The following RC3H2 variants were observed in gnomAD, a reference collection of about 807,000 sequenced individuals.
RC3H2 encodes the protein ring finger and CCCH-type domains 2.
Under a neutral mutation model 133.3 loss-of-function variants are expected in RC3H2, and 31 were observed. The ratio of observed to expected loss-of-function variants is 0.23; its 90% CI spans 0.17 to 0.31. The LOEUF (loss-of-function observed/expected upper bound fraction) is 0.31. RC3H2 is among the 10% of genes least tolerant of loss of function. RC3H2 has a pLI of 1.00. For missense variants in RC3H2, 1,175 were observed against 1,437.2 expected (o/e 0.82, Z 2.95); for synonymous variants, 517 against 502.2 (o/e 1.03, Z -0.40).
At chr9:122,881,043 A>C (rs1831598531) in intron 5 of RC3H2, among the ~76,000 whole-genome samples, 2 of 152,234 alleles carry the variant, frequency 1.3e-5, no homozygotes, top group African/African-American at 2.4e-5. Flanking sequence ...TTGTAAGTAG[A>C]AAATTATAGT....
intron 9 of RC3H2, among the ~76,000 whole-genome samples, chr9:122,866,413 T>G (rs1830666926): frequency 1.5e-5 from 1 of 65,596 alleles, no homozygotes; most frequent in African/African-American, 5.6e-5. Flanking sequence ...CTCCCCACGG[T>G]CTCCCTCTCC....
intron 13 of RC3H2, among the ~76,000 whole-genome samples, chr9:122,857,230 AT>A (rs1363966844): frequency 6.6e-6 from 1 of 152,246 alleles, no homozygotes; most frequent in African/African-American, 2.4e-5. Flanking sequence ...AAAAATTTTA[AT>A]ATCAGAACTT....
At chr9:122,888,246 A>G (rs942883733) in intron 4 of RC3H2, among the ~76,000 whole-genome samples, 2 of 152,248 alleles carry the variant, frequency 1.3e-5, no homozygotes, top group African/African-American at 4.8e-5. Flanking sequence ...ACTGTGTTCT[A>G]AAGTAACCTG....
intron 18 of RC3H2, among the ~76,000 whole-genome samples, chr9:122,851,893 G>C (rs1272839529): frequency 6.6e-6 from 1 of 152,246 alleles, no homozygotes; most frequent in African/African-American, 2.4e-5. Flanking sequence ...AAAAAGCCGA[G>C]ATTGCAGCCT....
intron 3 of RC3H2, among the ~76,000 whole-genome samples, chr9:122,890,861 C>T (rs750377192): frequency 1.7e-4 from 26 of 152,050 alleles, no homozygotes; most frequent in Admixed American, 1.4e-3. Flanking sequence ...GAATATTGCT[C>T]CAGCAATTCT....
intron 1 of RC3H2, among the ~76,000 whole-genome samples, chr9:122,903,844 AAG>A (rs1832744661): frequency 6.6e-6 from 1 of 152,258 alleles, no homozygotes. Context: ...TAAACAACGT[AAG>A]AAAGGCATGT....
At position 122,881,009 on chromosome 9, in the gene RC3H2, C is replaced by CTT. The variant is rs1210141854; in HGVS notation, c.760-216_760-215insAA. On this transcript the variant is annotated intron_variant, in intron 5 of 20. Coordinates refer to ENST00000357244, the MANE Select transcript of RC3H2 (RefSeq NM_001100588.3). ...ACATAATCCTTGCCTTCAATGATTT[C>CTT]AGCCACTAGTAAGAAAGAGAAACTT... Among the ~76,000 whole-genome samples the CTT allele has an allele frequency of 7.2e-5, 11 of 152,268 alleles. No individual in the cohort carries two copies. The South Asian group carries it at 2.1e-3, about 29-fold the overall frequency.
intron 9 of RC3H2, among the ~76,000 whole-genome samples, chr9:122,866,347 G>A (rs1442799784): frequency 2.7e-5 from 4 of 145,592 alleles, no homozygotes; most frequent in Non-Finnish European, 4.5e-5. Context: ...TTCCATTTAA[G>A]AAAATGTCTC....
At chr9:122,903,274 G>C (rs1832726005) in intron 1 of RC3H2, among the ~76,000 whole-genome samples, 1 of 152,142 alleles carries the variant, frequency 6.6e-6, no homozygotes, top group Admixed American at 6.5e-5. Flanking sequence ...TTTTACCCAT[G>C]CTTCCTTTTT....
chr9:122,897,689 T>C, intron 1 of RC3H2, 113 bp from the exon 2 acceptor site: 1 of 717,428 alleles, frequency 1.4e-6, no homozygotes, highest in East Asian at 2.8e-5. Flanking sequence ...TAAATAATTT[T>C]ATAACCTTTG....
chr9:122,855,921 A>C (rs1830228590), intron 13 of RC3H2, 43 bp from the exon 14 acceptor site: 1 of 1,525,792 alleles, frequency 6.6e-7, no homozygotes, highest in Non-Finnish European at 8.9e-7. Flanking sequence ...TAAGAAGCTT[A>C]AATTTACAAG....
chr9:122,868,837 ATATGTGTGTGTGTGTGTGTGTGTG>A (rs1447899460), intron 9 of RC3H2, among the ~76,000 whole-genome samples: 10 of 122,874 alleles, frequency 8.1e-5, no homozygotes, highest in African/African-American at 2.3e-4. Flanking sequence ...ATTCCCTCCT[ATATGTGTGTGTGTGTGTGTGTGTG>A]TGTGTGTGTG....
chr9:122,857,416 G>A (rs745400993), intron 13 of RC3H2, among the ~76,000 whole-genome samples: 4 of 152,094 alleles, frequency 2.6e-5, no homozygotes, highest in African/African-American at 4.8e-5. Context: ...AATACTGTAG[G>A]TATTTCTGCA....
intron 1 of RC3H2, among the ~76,000 whole-genome samples, chr9:122,901,334 T>A (rs1299907605): frequency 6.6e-6 from 1 of 152,194 alleles, no homozygotes. Context: ...TAAAAAATGA[T>A]ATTTAAAGCA....
chr9:122,887,913 T>A (rs1831997608), intron 4 of RC3H2, among the ~76,000 whole-genome samples: 1 of 152,088 alleles, frequency 6.6e-6, no homozygotes, highest in African/African-American at 2.4e-5. Context: ...CTGGCTAATT[T>A]TTTCTATTTT....
At chr9:122,853,660 G>A (rs1588051923) in intron 18 of RC3H2, 1 of 601,702 alleles carries the variant, frequency 1.7e-6, no homozygotes, top group East Asian at 3.4e-5. Flanking sequence ...GCTGAGGCAG[G>A]AGAATCGCTT....
In RC3H2 at chr9:122,853,987, G is replaced by A; in HGVS notation, c.3082C>T (p.Leu1028Phe). 1 of 1,614,180 alleles carries A rather than the reference G, an allele frequency of 6.2e-7. No individual in the cohort carries two copies. The highest frequency in any genetic ancestry group is 8.5e-7 in the Non-Finnish European group (1 of 1,180,022). Reference protein sequence around the residue: ...LDEGRHLTLNLLSKEIELRNG... With the variant: ...LDEGRHLTLNFLSKEIELRNG... The stretch of plus-strand genomic sequence containing the variant: ...CTTAGTTCAATTTCCTTGCTTAAAA[G>A]GTTTAAGGTAAGGTGACGGCCTTCA... Residue 1028 changes from leucine (L) to phenylalanine (F), a missense_variant, in exon 18 of 21, where the codon CTT becomes TTT. This residue lies in a region of RC3H2 where 220 missense variants were observed against 201.1 expected (regional missense o/e 1.09). Transcript: ENST00000357244.
intron 10 of RC3H2, among the ~76,000 whole-genome samples, chr9:122,864,161 C>T (rs576910599): frequency 6.6e-6 from 1 of 152,282 alleles, no homozygotes; most frequent in Admixed American, 6.5e-5. Flanking sequence ...TCCTAGCAGG[C>T]ATATAACAGA....
At chr9:122,852,258 C>T (rs1390575067) in intron 18 of RC3H2, among the ~76,000 whole-genome samples, 49 of 148,370 alleles carry the variant, frequency 3.3e-4, no homozygotes, top group African/African-American at 9.0e-4. Context: ...ACCCTCCGCC[C>T]GGCAGCCGCC....
Sources: allele counts gnomAD v4.1 joint callset (sites outside exome capture counted in the v4.1 genomes callset), GRCh38; gene constraint gnomAD v4.1.1; regional missense constraint gnomAD v4.1.1; transcripts MANE v1.5; gene names NCBI Gene and HGNC (gene_info 2026-07-23, HGNC 2026-07-21).